MYO18B: variants seen among roughly 807,000 people sequenced by gnomAD.
The protein encoded by MYO18B is myosin XVIIIB, also known as unconventional myosin-XVIIIb.
In MYO18B, 204 loss-of-function variants were observed where a neutral mutation model predicts 273.0. The ratio of observed to expected loss-of-function variants is 0.75; its 90% CI spans 0.67 to 0.84. MYO18B has a LOEUF of 0.84. Ranked by LOEUF, MYO18B falls within the 40% of genes least tolerant of loss-of-function variation. MYO18B has a pLI of 0.00. For synonymous variants in MYO18B, 1,330 were observed against 1,305.7 expected, an observed-to-expected ratio of 1.02 and a Z score of -0.40; for missense variants, 3,212 against 3,287.6, an observed-to-expected ratio of 0.98 and a Z score of 0.56.
chr22:25,917,545 G>GGGGTGTGTGTGTGTGTGTGT lies in MYO18B; in HGVS notation c.5365-3711_5365-3710insGGTGTGTGTGTGTGTGTGTG, dbSNP rs1555944183. 1.1e-4 allele frequency among the ~76,000 whole-genome samples: 15 copies of GGGGTGTGTGTGTGTGTGTGT among 142,244 alleles called. No individual in the cohort carries two copies. In the East Asian group the frequency reaches 3.1e-3, roughly 29 times the overall value. The allele number at this position is 142,244 out of a possible 152,430, so 93.3% of individuals were successfully genotyped here. A position where few individuals can be genotyped will look rare whatever the true frequency, so the allele number is the denominator to read the frequency against. On this transcript the variant is annotated intron_variant, in intron 33 of 43. Transcript: ENST00000335473. Reference sequence around the variant, plus strand: ...CTATTTCATTTTAAAGCTTTGTAGGGGTGTGTGTGTGTGTGTGTGTGTGTG... The same window carrying GGGGTGTGTGTGTGTGTGTGT: ...CTATTTCATTTTAAAGCTTTGTAGGGGGGTGTGTGTGTGTGTGTGTGTGTGTGTGTGTGTGTGTGTGTGTG...
chr22:25,769,406 G>A lies in MYO18B; in HGVS notation c.1490G>A (p.Gly497Asp), dbSNP rs1445390127. 2.6e-6 allele frequency: 4 copies of A among 1,558,178 alleles called. No individual in the cohort carries two copies. Among genetic ancestry groups the A allele is most frequent in the Admixed American group, 1.9e-5 (1 of 51,540 alleles). ...GCCCCGCAGGAGGAGGGCAAAGGAG[G>A]CCAGAGCAGAGACTCAGACCAGGTG... is the stretch of plus-strand genomic sequence containing the variant. ...GPAPQEEGKG[G>D]QSRDSDQAPE... Residue 497 changes from glycine (G) to aspartate (D), a missense_variant, in exon 4 of 44, where the codon GGC becomes GAC. Gly to Asp is a moderately conservative substitution (Grantham distance 94, BLOSUM62 -1). Coordinates refer to ENST00000335473, the MANE Select transcript of MYO18B (RefSeq NM_032608.7).
chr22:26,005,455 A>T (rs1934343827), intron 42 of MYO18B, among the ~76,000 whole-genome samples: 1 of 152,180 alleles, frequency 6.6e-6, no homozygotes, highest in African/African-American at 2.4e-5. Context: ...TCACAAATCT[A>T]CAGAATTGCC....
chr22:25,859,686 AT>A (rs950676433), intron 21 of MYO18B, among the ~76,000 whole-genome samples: 2 of 149,534 alleles, frequency 1.3e-5, no homozygotes, highest in East Asian at 2.0e-4. Flanking sequence ...GTGAAACTCT[AT>A]TTTTTTTGCC....
intron 3 of MYO18B, among the ~76,000 whole-genome samples, chr22:25,767,487 G>A (rs976216082): frequency 3.9e-5 from 6 of 152,222 alleles, no homozygotes; most frequent in Non-Finnish European, 8.8e-5. Context: ...GATCTGGATG[G>A]TCAGGTGGTA....
intron 1 of MYO18B, among the ~76,000 whole-genome samples, chr22:25,743,444 A>G (rs868492913): frequency 3.3e-5 from 5 of 152,104 alleles, no homozygotes; most frequent in Admixed American, 1.3e-4. Flanking sequence ...GTTCTAGAAA[A>G]TAATAGTGGA....
At chr22:26,024,473 G>A (rs1936090034) in intron 42 of MYO18B, among the ~76,000 whole-genome samples, 1 of 152,196 alleles carries the variant, frequency 6.6e-6, no homozygotes, top group African/African-American at 2.4e-5. Flanking sequence ...GGAATAGCAA[G>A]CCTGATCACA....
chr22:25,763,252 C>A lies in MYO18B; in HGVS notation c.61C>A (p.Pro21Thr). Reference protein sequence around the residue: ...EQKIREEDKSPPPSSPPPLFS... With the variant: ...EQKIREEDKSTPPSSPPPLFS... ...ACAGATTCGGGAAGAGGACAAGAGC[C>A]CTCCACCATCCTCGCCCCCTCCTCT... Residue 21 changes from proline (P) to threonine (T), a missense_variant, in exon 3 of 44, where the codon CCT (proline) becomes ACT (threonine). Transcript: ENST00000335473. 6.2e-7 allele frequency: 1 copy of A among 1,610,370 alleles called. No individual in the cohort carries two copies. Among genetic ancestry groups the A allele is most frequent in the Non-Finnish European group, 8.5e-7 (1 of 1,177,826 alleles).
intron 34 of MYO18B, among the ~76,000 whole-genome samples, chr22:25,924,487 C>A (rs931146117): frequency 2.0e-5 from 3 of 152,108 alleles, no homozygotes; most frequent in Non-Finnish European, 2.9e-5. Context: ...AACAATGATA[C>A]GAATAAATAG....
the MYO18B span, among the ~76,000 whole-genome samples, chr22:26,053,644 A>T: frequency 6.6e-6 from 1 of 152,218 alleles, no homozygotes; most frequent in Non-Finnish European, 1.5e-5. Context: ...ATCCCTTGGG[A>T]AACAATGAAG....
chr22:25,914,949 G>A (rs182103433), intron 33 of MYO18B, among the ~76,000 whole-genome samples: 60 of 150,786 alleles, frequency 4.0e-4, no homozygotes, highest in Middle Eastern at 3.4e-3. Flanking sequence ...CACCCACCTC[G>A]GCCTCCCAAA....
chr22:25,930,512 A>ATT (rs35826455), intron 34 of MYO18B, among the ~76,000 whole-genome samples: 16 of 146,970 alleles, frequency 1.1e-4, no homozygotes, highest in African/African-American at 2.8e-4. Context: ...ATCCTTTTTA[A>ATT]TTTTTTTTTT....
intron 34 of MYO18B, among the ~76,000 whole-genome samples, chr22:25,943,330 C>T (rs1393777665): frequency 2.0e-5 from 3 of 152,280 alleles, no homozygotes; most frequent in East Asian, 1.9e-4. Context: ...GCACCTCCAC[C>T]GCCTCCTTCC....
At chr22:25,971,334 C>G (rs559482559) in intron 39 of MYO18B, among the ~76,000 whole-genome samples, 1 of 152,350 alleles carries the variant, frequency 6.6e-6, no homozygotes, top group Non-Finnish European at 1.5e-5. Context: ...TTTCAGGCAC[C>G]TGTCCTCTTT....
intron 34 of MYO18B, among the ~76,000 whole-genome samples, chr22:25,932,014 G>C (rs962972114): frequency 1.3e-5 from 2 of 152,098 alleles, no homozygotes; most frequent in Non-Finnish European, 2.9e-5. Flanking sequence ...TGGGATTACA[G>C]GCTTGAGCCA....
chr22:25,873,312 G>A (rs2091099137), intron 22 of MYO18B, among the ~76,000 whole-genome samples: 1 of 152,168 alleles, frequency 6.6e-6, no homozygotes, highest in Non-Finnish European at 1.5e-5. Flanking sequence ...ACCGAGAGCT[G>A]TTTTCTGCTA....
chr22:25,965,350 C>T (rs575367858), intron 39 of MYO18B, among the ~76,000 whole-genome samples: 2 of 152,212 alleles, frequency 1.3e-5, no homozygotes, highest in Non-Finnish European at 2.9e-5. Context: ...CAGTTTCCCT[C>T]GAAGGAAAAA....
chr22:25,836,816 G>T (rs556106767), intron 17 of MYO18B, among the ~76,000 whole-genome samples: 14 of 152,200 alleles, frequency 9.2e-5, no homozygotes, highest in African/African-American at 2.9e-4. Flanking sequence ...CAAAAAATTA[G>T]CTGGGTGTGA....
At position 25,780,153 on chromosome 22, in the gene MYO18B, G is replaced by A. The variant is rs368086744; in HGVS notation, c.2166G>A (p.Ser722=). 1.9e-5 allele frequency: 31 copies of A among 1,606,672 alleles called. No individual in the cohort carries two copies. Among genetic ancestry groups the A allele is most frequent in the East Asian group, 6.7e-5 (3 of 44,684 alleles). Residue 722 remains serine (S), a synonymous_variant, in exon 9 of 44, where the codon TCG becomes TCA. Coordinates refer to ENST00000335473, the MANE Select transcript of MYO18B (RefSeq NM_032608.7). ...CCACCCGGTTCTCCATGGTGATGTCGCTGGACTTCAACGCTACAGGCCGCA... is the reference window on the plus strand; with the variant it reads ...CCACCCGGTTCTCCATGGTGATGTCACTGGACTTCAACGCTACAGGCCGCA... ...RSATRFSMVM[S]LDFNATGRIT...
At chr22:25,765,619 T>A (rs995724887) in intron 3 of MYO18B, among the ~76,000 whole-genome samples, 1 of 152,176 alleles carries the variant, frequency 6.6e-6, no homozygotes, top group African/African-American at 2.4e-5. Context: ...AGTTTACTCA[T>A]CTGTAAAAAT....
Sources: gnomAD v4.1 joint callset for allele counts (sites outside exome capture counted in the v4.1 genomes callset) on GRCh38, gnomAD v4.1.1 for gene constraint, MANE v1.5 for transcripts, NCBI Gene and HGNC (gene_info 2026-07-23, HGNC 2026-07-21) for gene names.